The following LUZP2 variants were observed in gnomAD, a reference collection of about 807,000 sequenced individuals.
LUZP2 encodes the protein leucine zipper protein 2.
A neutral mutation model predicts 51.6 loss-of-function variants in LUZP2; 52 were observed. The ratio of observed to expected loss-of-function variants is 1.01; its 90% CI spans 0.81 to 1.27. The LOEUF (loss-of-function observed/expected upper bound fraction) is 1.27. LUZP2 is among the 50% of genes most tolerant of loss of function. The pLI is 0.00. For missense variants in LUZP2, 436 were observed against 395.4 expected, an observed-to-expected ratio of 1.10 and a Z score of -0.87; for synonymous variants, 154 against 137.3, an observed-to-expected ratio of 1.12 and a Z score of -0.85.
At chr11:24,678,677 G>C (rs1299977950) in intron 1 of LUZP2, among the ~76,000 whole-genome samples, 1 of 152,134 alleles carries the variant, frequency 6.6e-6, no homozygotes, top group African/African-American at 2.4e-5. Context: ...CAGGTCCTTA[G>C]GTAGATTCTC....
intron 1 of LUZP2, among the ~76,000 whole-genome samples, chr11:24,702,524 C>G (rs1490637739): frequency 1.3e-5 from 2 of 152,156 alleles, no homozygotes. Context: ...GAAGGCAAAG[C>G]AGGAGCAGAC....
intron 1 of LUZP2, among the ~76,000 whole-genome samples, chr11:24,609,865 A>G (rs2133884844): frequency 6.6e-6 from 1 of 152,270 alleles, no homozygotes; most frequent in South Asian, 2.1e-4. Context: ...GGTCACAGCA[A>G]ACCAAAAAGA....
chr11:24,630,458 A>T (rs565132397), intron 1 of LUZP2, among the ~76,000 whole-genome samples: 2 of 152,060 alleles, frequency 1.3e-5, no homozygotes, highest in African/African-American at 4.8e-5. Context: ...CTTTTCTACA[A>T]TGTATGTTCT....
chr11:24,774,862 A>AAT (rs1214190538), intron 5 of LUZP2, among the ~76,000 whole-genome samples: 2 of 145,562 alleles, frequency 1.4e-5, no homozygotes, highest in Admixed American at 7.1e-5. Flanking sequence ...ATATATAAAG[A>AAT]ATATATATGT....
chr11:24,510,108 C>T (rs759878358), intron 1 of LUZP2, among the ~76,000 whole-genome samples: 19 of 152,138 alleles, frequency 1.2e-4, no homozygotes, highest in Non-Finnish European at 2.4e-4. Flanking sequence ...GTAGCTTAAA[C>T]CCAGCGCTCT....
chr11:24,764,525 G>A (rs1270143223), intron 5 of LUZP2, among the ~76,000 whole-genome samples: 12 of 128,818 alleles, frequency 9.3e-5, no homozygotes, highest in Admixed American at 3.2e-4. Context: ...AATTAGCTGG[G>A]AGTGGTGGCT....
chr11:24,949,379 A>C (rs558254883), intron 7 of LUZP2, among the ~76,000 whole-genome samples: 5 of 151,526 alleles, frequency 3.3e-5, no homozygotes. Flanking sequence ...AATGATTTCT[A>C]TGACAAACAT....
At chr11:24,888,284 A>G (rs1342424032) in intron 5 of LUZP2, among the ~76,000 whole-genome samples, 3 of 152,184 alleles carry the variant, frequency 2.0e-5, no homozygotes, top group Middle Eastern at 6.8e-3. Flanking sequence ...CATTCTGTAC[A>G]AAGTCCTTCC....
intron 5 of LUZP2, among the ~76,000 whole-genome samples, chr11:24,814,853 G>A (rs1255768169): frequency 6.6e-6 from 1 of 152,154 alleles, no homozygotes; most frequent in Non-Finnish European, 1.5e-5. Context: ...TTAGCCAGGC[G>A]TGGCGGTGTG....
intron 7 of LUZP2, among the ~76,000 whole-genome samples, chr11:24,965,700 TAG>T (rs1269813248): frequency 6.6e-6 from 1 of 151,814 alleles, no homozygotes; most frequent in Non-Finnish European, 1.5e-5. Context: ...AAGAGAGGTT[TAG>T]GAAGAGAGTT....
chr11:24,924,102 G>A (rs1282333041), intron 7 of LUZP2, among the ~76,000 whole-genome samples: 2 of 146,512 alleles, frequency 1.4e-5, no homozygotes, highest in African/African-American at 5.1e-5. Flanking sequence ...TAATTGAGAC[G>A]GAGTCTCATT....
At chr11:24,845,979 A>G (rs772066630) in intron 5 of LUZP2, among the ~76,000 whole-genome samples, 1 of 152,154 alleles carries the variant, frequency 6.6e-6, no homozygotes. Context: ...ATGCTATAAT[A>G]TATTTATTAA....
chr11:24,830,036 A>G (rs1218309924), intron 5 of LUZP2, among the ~76,000 whole-genome samples: 3 of 152,228 alleles, frequency 2.0e-5, no homozygotes, highest in African/African-American at 7.2e-5. Context: ...AAACTTAAAC[A>G]CAAGAGAAGA....
At chr11:24,927,536 A>G (rs1854316024) in intron 7 of LUZP2, among the ~76,000 whole-genome samples, 5 of 152,100 alleles carry the variant, frequency 3.3e-5, no homozygotes, top group Admixed American at 6.6e-5. Context: ...TTTGTCAAAG[A>G]TCAGTTGACT....
At chr11:24,593,943 T>G (rs573494025) in intron 1 of LUZP2, among the ~76,000 whole-genome samples, 1 of 152,280 alleles carries the variant, frequency 6.6e-6, no homozygotes, top group East Asian at 1.9e-4. Context: ...AACCATGTAT[T>G]ACTTAATCTT....
chr11:24,911,888 T>C (rs1356068948), intron 6 of LUZP2, among the ~76,000 whole-genome samples: 1 of 152,172 alleles, frequency 6.6e-6, no homozygotes, highest in Non-Finnish European at 1.5e-5. Flanking sequence ...CATTGGCAAC[T>C]AGGTAGACTC....
chr11:24,604,697 G>A (rs78164608), intron 1 of LUZP2, among the ~76,000 whole-genome samples: 2 of 151,664 alleles, frequency 1.3e-5, no homozygotes, highest in Admixed American at 1.3e-4. Flanking sequence ...CAGTCTTTTA[G>A]TTATCTCAAA....
In LUZP2 at chr11:24,774,362, C is replaced by CTCTATATATATA. The variant is rs776739280; in HGVS notation, c.396+11055_396+11056insCTATATATATAT. Among the ~76,000 whole-genome samples the CTCTATATATATA allele has an allele frequency of 8.4e-4, 64 of 76,332 alleles. 1 individual carries two copies. Among genetic ancestry groups the CTCTATATATATA allele is most frequent in the African/African-American group, 3.5e-3 (59 of 16,736 alleles). The allele number at this position is 76,332 out of a possible 152,430, so 50.1% of individuals were successfully genotyped here. A position where few individuals can be genotyped will look rare whatever the true frequency, so the allele number is the denominator to read the frequency against. On this transcript the variant is annotated intron_variant, in intron 5 of 11. Coordinates refer to ENST00000336930, the MANE Select transcript of LUZP2 (RefSeq NM_001009909.4). ...TCTCTCTCTCTCTCTCTCTCTCTCT[C>CTCTATATATATA]TATATATATATATATATATACATAC...
At chr11:24,606,795 C>A (rs7102549) in intron 1 of LUZP2, among the ~76,000 whole-genome samples, 53,618 of 151,710 alleles carry the variant, frequency 0.35, 10,654 homozygotes, top group African/African-American at 0.53. Context: ...TTTTCTCCAC[C>A]TACTTGCCAA....
Sources: allele counts gnomAD v4.1 joint callset (sites outside exome capture counted in the v4.1 genomes callset), GRCh38; gene constraint gnomAD v4.1.1; transcripts MANE v1.5; gene names NCBI Gene and HGNC (gene_info 2026-07-23, HGNC 2026-07-21).